Variants in ADHFE1 observed in about 807,000 individuals in gnomAD.
ADHFE1 encodes hydroxyacid-oxoacid transhydrogenase, mitochondrial.
A neutral mutation model predicts 54.8 loss-of-function variants in ADHFE1; 37 were observed. The observed-to-expected ratio is 0.68, with a 90% CI of 0.52 to 0.89. The LOEUF is 0.89. ADHFE1 is among the 40% of genes least tolerant of loss of function. ADHFE1 has a pLI of 0.00. For synonymous variants in ADHFE1, 203 were observed against 229.3 expected, an observed-to-expected ratio of 0.89 and a Z score of 1.04; for missense variants, 601 against 591.2, an observed-to-expected ratio of 1.02 and a Z score of -0.17.
At chr8:66,455,704 G>A (rs1310289173) in intron 10 of ADHFE1, among the ~76,000 whole-genome samples, 1 of 152,222 alleles carries the variant, frequency 6.6e-6, no homozygotes, top group Non-Finnish European at 1.5e-5. Context: ...CCCTTGAGCT[G>A]AGCCCAGGAG....
intron 13 of ADHFE1, 102 bp downstream of exon 13, chr8:66,460,567 C>T (rs1398224617): frequency 7.0e-7 from 1 of 1,422,000 alleles, no homozygotes; most frequent in Non-Finnish European, 9.4e-7. Context: ...AACCAGGGCT[C>T]CCCGGTGGTT....
intron 5 of ADHFE1, 34 bp from the exon 6 acceptor site, chr8:66,445,184 A>G (rs771113529): frequency 1.3e-6 from 2 of 1,556,228 alleles, no homozygotes; most frequent in East Asian, 4.5e-5. Context: ...TCTGAAAAAT[A>G]TAACATACTG....
chr8:66,455,112 A>G (rs1205959522), intron 10 of ADHFE1, among the ~76,000 whole-genome samples: 2 of 152,154 alleles, frequency 1.3e-5, no homozygotes, highest in African/African-American at 4.8e-5. Flanking sequence ...TTTCTTCTCT[A>G]TGGACATAGG....
chr8:66,464,771 C>G (rs1807081424), intron 13 of ADHFE1, among the ~76,000 whole-genome samples: 2 of 152,196 alleles, frequency 1.3e-5, no homozygotes, highest in Non-Finnish European at 2.9e-5. Context: ...CCATTAAATA[C>G]ATGCACAATG....
In ADHFE1 at chr8:66,444,349, C is replaced by A. The variant is rs941195631; in HGVS notation, c.145-18C>A. On this transcript the variant is annotated intron_variant, in intron 3 of 13. Transcript: ENST00000396623. Reference sequence around the variant, plus strand: ...CTCTCAAATACTCCCTACACCTAAACCTTTTTATTTTTTTCAGATGGCTGT... The same window carrying A: ...CTCTCAAATACTCCCTACACCTAAAACTTTTTATTTTTTTCAGATGGCTGT... 2 of 1,613,606 alleles carry A rather than the reference C, an allele frequency of 1.2e-6. No individual in the cohort carries two copies. Among genetic ancestry groups the A allele is most frequent in the Admixed American group, 1.7e-5 (1 of 60,010 alleles).
In ADHFE1 at chr8:66,461,949, C is replaced by T. The variant is rs141402034; in HGVS notation, c.1320+1484C>T. 3.6e-3 allele frequency among the ~76,000 whole-genome samples: 540 copies of T among 151,962 alleles called. 4 individuals are homozygous for T. Among genetic ancestry groups the T allele is most frequent in the African/African-American group, 0.013 (522 of 41,452 alleles). On this transcript the variant is annotated intron_variant, in intron 13 of 13. Transcript: ENST00000396623. Reference sequence around the variant, plus strand: ...AACCCTTAATTCTAACCCATACGTCCAAGGGACCAAATCACTAAAAAAATC... The same window carrying T: ...AACCCTTAATTCTAACCCATACGTCTAAGGGACCAAATCACTAAAAAAATC...
intron 3 of ADHFE1, among the ~76,000 whole-genome samples, chr8:66,443,514 G>A (rs540499572): frequency 6.6e-6 from 1 of 152,234 alleles, no homozygotes; most frequent in South Asian, 2.1e-4. Context: ...CTGACCTCAG[G>A]TGATCTGACC....
Position 66,432,824 on chromosome 8 carries a change from A to G in ADHFE1, c.59+249A>G, listed in dbSNP as rs985989476. 2.4e-5 allele frequency: 29 copies of G among 1,224,896 alleles called. No individual in the cohort carries two copies. The African/African-American group carries it at 3.3e-4, about 14-fold the overall frequency. The allele number at this position is 1,224,896 out of a possible 1,614,324, so 75.9% of individuals were successfully genotyped here. A position where few individuals can be genotyped will look rare whatever the true frequency, so the allele number is the denominator to read the frequency against. On this transcript the variant is annotated intron_variant, in intron 1 of 13. Transcript: ENST00000396623. ...TCTACCGTTAAAGAAACTGAGGCCC[A>G]GAGAGGACCTGGTCCCACATCGTAG...
rs1350351068 is a variant in ADHFE1 at position 66,463,689 on chromosome 8, C to A, written c.1320+3224C>A. Among the ~76,000 whole-genome samples, 4 of 152,318 alleles carry A rather than the reference C, an allele frequency of 2.6e-5. No individual in the cohort carries two copies. In the East Asian group the frequency reaches 7.7e-4, roughly 29 times the overall value. On this transcript the variant is annotated intron_variant, in intron 13 of 13. Coordinates refer to ENST00000396623, the MANE Select transcript of ADHFE1 (RefSeq NM_144650.3). ...AGTTTTACACATGCAATAGACTAAT[C>A]TTCGCTTATTAGTATCTCCAGGATT...
chr8:66,433,471 A>G (rs1051813021), intron 1 of ADHFE1, among the ~76,000 whole-genome samples: 2 of 152,210 alleles, frequency 1.3e-5, no homozygotes, highest in Non-Finnish European at 2.9e-5. Flanking sequence ...CTATCAGTAT[A>G]ATAGTAACTC....
chr8:66,433,105 G>A (rs936861050), intron 1 of ADHFE1, among the ~76,000 whole-genome samples: 1 of 152,122 alleles, frequency 6.6e-6, no homozygotes, highest in Non-Finnish European at 1.5e-5. Context: ...CATGTACAGG[G>A]AGTCAGGGTA....
rs1353919606 is a variant in ADHFE1, at chr8:66,439,065, C to T, written c.60-1097C>T. 6.6e-6 allele frequency among the ~76,000 whole-genome samples: 1 copy of T among 151,996 alleles called. No homozygotes were observed. The highest frequency in any genetic ancestry group is 1.5e-5 in the Non-Finnish European group (1 of 67,966). On this transcript the variant is annotated intron_variant, in intron 1 of 13. Coordinates refer to ENST00000396623, the MANE Select transcript of ADHFE1 (RefSeq NM_144650.3). This position sits in a 1 kb window ranked among gnomAD's most constrained non-coding sequence, Gnocchi z 4.4. ...GCCTGGCCTGGCCCGCGTCCTCTCC[C>T]CCGGCGCGCGCGTCGGGAACCACTA...
intron 1 of ADHFE1, among the ~76,000 whole-genome samples, chr8:66,438,522 G>A (rs1390830117): frequency 1.3e-5 from 2 of 152,214 alleles, no homozygotes; most frequent in African/African-American, 4.8e-5. Flanking sequence ...CATGCTGCTA[G>A]AGTGAGGTGC....
chr8:66,465,706 T>A (rs1442564507), intron 13 of ADHFE1, among the ~76,000 whole-genome samples: 1 of 152,010 alleles, frequency 6.6e-6, no homozygotes, highest in African/African-American at 2.4e-5. Flanking sequence ...TTCAAGCAGT[T>A]CTCCTGCCTT....
In ADHFE1 at chr8:66,448,914, G is replaced by A. The variant is rs762882078; in HGVS notation, c.678G>A (p.Leu226=). 1.7e-5 allele frequency: 27 copies of A among 1,614,114 alleles called. No individual in the cohort carries two copies. The highest frequency in any genetic ancestry group is 2.3e-5 in the Non-Finnish European group (27 of 1,180,028). ...CCACACTGGGACTGATTGATCCTCT[G>A]CACACCCTCCACATGCCTGCCCGAG... is the stretch of plus-strand genomic sequence containing the variant. ...IKPTLGLIDP[L]HTLHMPARVV... Residue 226 remains leucine (L), a synonymous_variant, in exon 8 of 14, where the codon CTG becomes CTA. Transcript: ENST00000396623.
chr8:66,467,002 G>C (rs1394730331), intron 13 of ADHFE1, among the ~76,000 whole-genome samples: 7 of 145,552 alleles, frequency 4.8e-5, no homozygotes, highest in African/African-American at 1.8e-4. Flanking sequence ...TTAAACACAG[G>C]AATGGTAGGA....
intron 10 of ADHFE1, among the ~76,000 whole-genome samples, chr8:66,454,804 C>T (rs892484217): frequency 6.6e-6 from 1 of 152,026 alleles, no homozygotes; most frequent in Non-Finnish European, 1.5e-5. Context: ...ACCTCCACCT[C>T]CCAGGTTCAA....
Position 66,439,776 on chromosome 8 carries a change from C to T in ADHFE1, c.60-386C>T, listed in dbSNP as rs1805651496. ...AGGGTAGTAAGTAAGAAGAGGCACA[C>T]AGAGTTAACCTTGGGCCGATTTGGT... is the stretch of plus-strand genomic sequence containing the variant. On this transcript the variant is annotated intron_variant, in intron 1 of 13. Transcript: ENST00000396623. The surrounding 1 kb of genome is among the most constrained non-coding windows in gnomAD (Gnocchi z 4.4). 9.6e-7 allele frequency: 1 copy of T among 1,042,062 alleles called. No individual in the cohort carries two copies. Among genetic ancestry groups the T allele is most frequent in the African/African-American group, 1.7e-5 (1 of 59,202 alleles). The allele number at this position is 1,042,062 out of a possible 1,614,324, so 64.6% of individuals were successfully genotyped here.
At chr8:66,466,779 G>C (rs907825516) in intron 13 of ADHFE1, among the ~76,000 whole-genome samples, 1 of 152,188 alleles carries the variant, frequency 6.6e-6, no homozygotes. Context: ...TCTCCAGCCA[G>C]GGTGTTGGGA....
Sources: allele counts gnomAD v4.1 joint callset (sites outside exome capture counted in the v4.1 genomes callset), GRCh38; gene constraint gnomAD v4.1.1; non-coding constraint Gnocchi (gnomAD v3.1); transcripts MANE v1.5; gene names NCBI Gene and HGNC (gene_info 2026-07-23, HGNC 2026-07-21).